The following CNTN4 variants were observed in gnomAD, a reference collection of about 807,000 sequenced individuals.
CNTN4 encodes contactin-4.
In CNTN4, 77 loss-of-function variants were observed where a neutral mutation model predicts 122.5. The ratio of observed to expected loss-of-function variants is 0.63; its 90% CI spans 0.52 to 0.76. CNTN4 has a LOEUF of 0.76. Ranked by LOEUF, CNTN4 falls within the 30% of genes least tolerant of loss-of-function variation. The pLI is 0.00. For synonymous variants in CNTN4, 512 were observed against 447.0 expected (o/e 1.15, Z -1.83); for missense variants, 1,256 against 1,259.1 (o/e 1.00, Z 0.04).
intron 2 of CNTN4, among the ~76,000 whole-genome samples, chr3:2,305,811 TAAC>T (rs530206142): frequency 1.1e-4 from 16 of 152,296 alleles, no homozygotes; most frequent in Non-Finnish European, 2.1e-4. Context: ...CATCAACTCC[TAAC>T]AACCACCAAT....
At chr3:2,665,206 A>G (rs528494856) in intron 4 of CNTN4, among the ~76,000 whole-genome samples, 115 of 152,332 alleles carry the variant, frequency 7.5e-4, no homozygotes, top group African/African-American at 2.7e-3. Context: ...ATGGTCTTGC[A>G]TCATTCTTGT....
intron 3 of CNTN4, among the ~76,000 whole-genome samples, chr3:2,521,343 T>TCGCCCCCCCCCCCC (rs781282977): frequency 6.9e-4 from 88 of 128,100 alleles, no homozygotes; most frequent in East Asian, 9.3e-4. Flanking sequence ...CCTCTACCCA[T>TCGCCCCCCCCCCCC]CCCCCCCACC....
chr3:2,522,149 TTGTGTGTG>T (rs71621496), intron 3 of CNTN4, among the ~76,000 whole-genome samples: 27 of 63,462 alleles, frequency 4.3e-4, no homozygotes, highest in East Asian at 5.8e-3. Flanking sequence ...CCTAAGCAGT[TTGTGTGTG>T]TGTGTGTGTG....
At chr3:2,840,803 T>C (rs927525922) in intron 7 of CNTN4, among the ~76,000 whole-genome samples, 1 of 152,154 alleles carries the variant, frequency 6.6e-6, no homozygotes, top group African/African-American at 2.4e-5. Flanking sequence ...GTAAGAATAC[T>C]GGACCAGAGA....
intron 3 of CNTN4, among the ~76,000 whole-genome samples, chr3:2,486,971 G>C (rs969850248): frequency 6.6e-6 from 1 of 151,970 alleles, no homozygotes; most frequent in African/African-American, 2.4e-5. Context: ...AATAAGTTAG[G>C]CGATCCTTTC....
At chr3:2,776,880 C>T (rs373235230) in intron 6 of CNTN4, among the ~76,000 whole-genome samples, 2 of 152,090 alleles carry the variant, frequency 1.3e-5, no homozygotes, top group East Asian at 1.9e-4. Flanking sequence ...CTTAGGTATA[C>T]GATGCAGAGA....
chr3:2,448,621 A>G (rs1457591781), intron 3 of CNTN4, among the ~76,000 whole-genome samples: 2 of 152,176 alleles, frequency 1.3e-5, no homozygotes, highest in Admixed American at 6.5e-5. Flanking sequence ...GCATATTCCC[A>G]TGGAGCCAGA....
chr3:3,001,000 A>G (rs1305963078), intron 14 of CNTN4, among the ~76,000 whole-genome samples: 4 of 151,958 alleles, frequency 2.6e-5, no homozygotes, highest in Non-Finnish European at 5.9e-5. Flanking sequence ...TTCTCAAAAT[A>G]GAGTCCAATA....
At chr3:2,515,647 A>G (rs2077018952) in intron 3 of CNTN4, among the ~76,000 whole-genome samples, 1 of 152,134 alleles carries the variant, frequency 6.6e-6, no homozygotes, top group Admixed American at 6.5e-5. Flanking sequence ...TTATCACTAG[A>G]TAAGTCCTCT....
At chr3:3,019,361 T>C (rs559370768) in intron 14 of CNTN4, among the ~76,000 whole-genome samples, 15 of 152,018 alleles carry the variant, frequency 9.9e-5, no homozygotes, top group Non-Finnish European at 2.2e-4. Context: ...CTGGAGTGCA[T>C]TGGTGCGACA....
At chr3:2,334,479 C>A (rs1236696973) in intron 2 of CNTN4, among the ~76,000 whole-genome samples, 7 of 152,098 alleles carry the variant, frequency 4.6e-5, no homozygotes, top group African/African-American at 1.4e-4. Flanking sequence ...TTTGAAGAAC[C>A]TTTCAAGGTA....
At chr3:2,717,773 G>T (rs559144048) in intron 4 of CNTN4, among the ~76,000 whole-genome samples, 1 of 113,986 alleles carries the variant, frequency 8.8e-6, no homozygotes, top group South Asian at 3.4e-4. Context: ...TGAGCCTTCT[G>T]ACTTCATGTA....
At chr3:2,104,702 G>A (rs2032288064) in intron 2 of CNTN4, among the ~76,000 whole-genome samples, 1 of 152,170 alleles carries the variant, frequency 6.6e-6, no homozygotes, top group Non-Finnish European at 1.5e-5. Flanking sequence ...TGCTGCAAGG[G>A]AAGCTGAGAA....
At chr3:2,365,576 T>C (rs1171870389) in intron 3 of CNTN4, among the ~76,000 whole-genome samples, 2 of 152,210 alleles carry the variant, frequency 1.3e-5, no homozygotes, top group African/African-American at 2.4e-5. Context: ...GACAATAGAA[T>C]GTACATATAT....
chr3:2,215,378 T>C (rs904787457), intron 2 of CNTN4, among the ~76,000 whole-genome samples: 1 of 152,226 alleles, frequency 6.6e-6, no homozygotes, highest in Non-Finnish European at 1.5e-5. Context: ...TACCTGTTCT[T>C]GTACTACTGG....
At chr3:2,268,166 C>T (rs746113503) in intron 2 of CNTN4, among the ~76,000 whole-genome samples, 22 of 152,148 alleles carry the variant, frequency 1.4e-4, no homozygotes, top group Middle Eastern at 3.4e-3. Context: ...CATAGCTGTT[C>T]GATGATACAG....
At chr3:2,669,110 C>T (rs1465512275) in intron 4 of CNTN4, among the ~76,000 whole-genome samples, 16 of 152,062 alleles carry the variant, frequency 1.1e-4, no homozygotes, top group South Asian at 2.1e-4. Context: ...CCTCATAAAA[C>T]GAGTTAGGGA....
intron 13 of CNTN4, among the ~76,000 whole-genome samples, chr3:2,951,261 G>A (rs557374368): frequency 6.6e-6 from 1 of 152,178 alleles, no homozygotes; most frequent in Non-Finnish European, 1.5e-5. Context: ...TGGCGGGTGG[G>A]GTGGGAGGTG....
At chr3:2,201,297 C>T (rs1375377545) in intron 2 of CNTN4, among the ~76,000 whole-genome samples, 2 of 152,112 alleles carry the variant, frequency 1.3e-5, no homozygotes, top group African/African-American at 4.8e-5. Flanking sequence ...AAAACTGCCT[C>T]AATGAGTTCT....
Sources: allele counts gnomAD v4.1 joint callset (sites outside exome capture counted in the v4.1 genomes callset), GRCh38; gene constraint gnomAD v4.1.1; transcripts MANE v1.5; gene names NCBI Gene and HGNC (gene_info 2026-07-23, HGNC 2026-07-21).